TAFA1: variants seen among roughly 807,000 people sequenced by gnomAD.
The protein encoded by TAFA1 is TAFA chemokine like family member 1.
In TAFA1, 4 loss-of-function variants were observed where a neutral mutation model predicts 18.5. The observed-to-expected ratio is 0.22, with a 90% CI of 0.11 to 0.49. TAFA1 has a LOEUF of 0.49. Ranked by LOEUF, TAFA1 falls within the 20% of genes least tolerant of loss-of-function variation. The pLI is 0.98. For missense variants in TAFA1, 147 were observed against 169.0 expected, an observed-to-expected ratio of 0.87 and a Z score of 0.72; for synonymous variants, 56 against 55.2, an observed-to-expected ratio of 1.01 and a Z score of -0.06.
chr3:68,378,177 T>A (rs775763395), intron 2 of TAFA1, among the ~76,000 whole-genome samples: 1 of 152,148 alleles, frequency 6.6e-6, no homozygotes, highest in Non-Finnish European at 1.5e-5. Flanking sequence ...GAATTGTAGA[T>A]CCACTGACAC....
At chr3:68,452,339 A>G (rs1436312948) in intron 3 of TAFA1, among the ~76,000 whole-genome samples, 1 of 152,008 alleles carries the variant, frequency 6.6e-6, no homozygotes, top group Non-Finnish European at 1.5e-5. Flanking sequence ...CCTGACCAAC[A>G]TGGTGAAACC....
chr3:68,262,591 G>A (rs1465707194), intron 2 of TAFA1, among the ~76,000 whole-genome samples: 2 of 151,868 alleles, frequency 1.3e-5, no homozygotes, highest in Non-Finnish European at 2.9e-5. Flanking sequence ...GCTCCATCAT[G>A]TTGCTGCAAA....
intron 2 of TAFA1, among the ~76,000 whole-genome samples, chr3:68,220,826 ATTC>A (rs2066720445): frequency 6.6e-6 from 1 of 152,144 alleles, no homozygotes; most frequent in Non-Finnish European, 1.5e-5. Context: ...CACTCACAGT[ATTC>A]TTGAGTAGAT....
chr3:68,080,258 T>C (rs1424183592), intron 2 of TAFA1, among the ~76,000 whole-genome samples: 1 of 152,234 alleles, frequency 6.6e-6, no homozygotes, highest in Non-Finnish European at 1.5e-5. Flanking sequence ...GGGTCTTGAC[T>C]CTTGATCCAA....
At chr3:68,488,879 G>A (rs1020036422) in intron 3 of TAFA1, among the ~76,000 whole-genome samples, 2 of 152,062 alleles carry the variant, frequency 1.3e-5, no homozygotes, top group African/African-American at 4.8e-5. Context: ...TCACCTCATA[G>A]GGTTATTATG....
chr3:68,434,299 C>G lies in TAFA1; in HGVS notation c.259+16879C>G, dbSNP rs377017835. ...TTAAAGGACTGTTCCGAGGAAGGCT[C>G]AACAATTTCCTCTGTACTTCTTTCT... On this transcript the variant is annotated intron_variant, in intron 3 of 4. Transcript: ENST00000478136. Among the ~76,000 whole-genome samples, 7 of 152,192 alleles carry G rather than the reference C, an allele frequency of 4.6e-5. No individual in the cohort carries two copies. The East Asian group carries it at 1.4e-3, about 29-fold the overall frequency.
At chr3:68,437,399 G>A (rs1368535831) in intron 3 of TAFA1, among the ~76,000 whole-genome samples, 2 of 152,120 alleles carry the variant, frequency 1.3e-5, no homozygotes, top group Admixed American at 1.3e-4. Context: ...TATGTTGCTT[G>A]TAAGAGAATA....
At chr3:68,505,663 G>A (rs1009833020) in intron 3 of TAFA1, among the ~76,000 whole-genome samples, 3 of 151,948 alleles carry the variant, frequency 2.0e-5, no homozygotes, top group African/African-American at 7.2e-5. Flanking sequence ...ATGTATGACT[G>A]GGGACCCAGC....
At chr3:68,234,183 G>C (rs2066902261) in intron 2 of TAFA1, among the ~76,000 whole-genome samples, 1 of 152,164 alleles carries the variant, frequency 6.6e-6, no homozygotes, top group African/African-American at 2.4e-5. Context: ...TATGGCATTT[G>C]AGAGTGAAAT....
chr3:68,333,683 C>T (rs1457042737), intron 2 of TAFA1, among the ~76,000 whole-genome samples: 1 of 152,066 alleles, frequency 6.6e-6, no homozygotes, highest in Non-Finnish European at 1.5e-5. Flanking sequence ...GGTTGTATAA[C>T]CAAAGGAAAC....
At chr3:68,035,516 A>T (rs1359965498) in intron 2 of TAFA1, among the ~76,000 whole-genome samples, 1 of 152,174 alleles carries the variant, frequency 6.6e-6, no homozygotes, top group Non-Finnish European at 1.5e-5. Flanking sequence ...AAAAATTCCG[A>T]TTAGAATGGC....
intron 2 of TAFA1, among the ~76,000 whole-genome samples, chr3:68,250,299 C>A (rs529266334): frequency 4.6e-5 from 7 of 152,252 alleles, no homozygotes; most frequent in African/African-American, 1.7e-4. Context: ...ATTTGGGCTT[C>A]ATTTGGAGAC....
At chr3:68,011,882 T>C (rs772340387) in intron 2 of TAFA1, among the ~76,000 whole-genome samples, 2 of 152,208 alleles carry the variant, frequency 1.3e-5, no homozygotes, top group African/African-American at 2.4e-5. Flanking sequence ...CAGATGCAAA[T>C]AAATATTTCC....
intron 2 of TAFA1, among the ~76,000 whole-genome samples, chr3:68,265,587 A>G (rs1399126427): frequency 1.3e-5 from 2 of 152,208 alleles, no homozygotes; most frequent in African/African-American, 4.8e-5. Context: ...TCCAGGGCAC[A>G]GAGTGATATG....
At chr3:68,118,275 C>A (rs1282413944) in intron 2 of TAFA1, among the ~76,000 whole-genome samples, 7 of 152,040 alleles carry the variant, frequency 4.6e-5, no homozygotes, top group Non-Finnish European at 1.0e-4. Flanking sequence ...AACCTAGATC[C>A]CTCACATGCG....
intron 2 of TAFA1, among the ~76,000 whole-genome samples, chr3:68,240,408 GT>G (rs2066980938): frequency 6.6e-6 from 1 of 152,174 alleles, no homozygotes; most frequent in African/African-American, 2.4e-5. Flanking sequence ...ATCTCAAGCT[GT>G]TGTCATTGGT....
At chr3:68,378,932 T>C (rs1033827339) in intron 2 of TAFA1, among the ~76,000 whole-genome samples, 2 of 152,180 alleles carry the variant, frequency 1.3e-5, no homozygotes, top group African/African-American at 2.4e-5. Flanking sequence ...CTCCCAGCCA[T>C]GTGGAACTGT....
At chr3:68,310,809 G>C (rs1412886179) in intron 2 of TAFA1, among the ~76,000 whole-genome samples, 1 of 152,042 alleles carries the variant, frequency 6.6e-6, no homozygotes, top group African/African-American at 2.4e-5. Flanking sequence ...AATTTATTTA[G>C]TTTCAATTGT....
intron 3 of TAFA1, among the ~76,000 whole-genome samples, chr3:68,452,901 C>A (rs755962999): frequency 5.9e-5 from 9 of 152,126 alleles, no homozygotes; most frequent in Non-Finnish European, 1.2e-4. Flanking sequence ...CATTCTTTTT[C>A]AATCGATTCT....
Sources: allele counts gnomAD v4.1 joint callset (sites outside exome capture counted in the v4.1 genomes callset), GRCh38; gene constraint gnomAD v4.1.1; transcripts MANE v1.5; gene names NCBI Gene and HGNC (gene_info 2026-07-23, HGNC 2026-07-21).